USP32: variants seen among roughly 807,000 people sequenced by gnomAD.
USP32 encodes the protein ubiquitin specific peptidase 32, also known as ubiquitin carboxyl-terminal hydrolase 32.
USP32 carries 59 observed loss-of-function variants against 204.8 expected under a neutral mutation model. The ratio of observed to expected loss-of-function variants is 0.29; its 90% CI spans 0.23 to 0.36. The LOEUF is 0.36. Ranked by LOEUF, USP32 falls within the 10% of genes least tolerant of loss-of-function variation. The pLI, the probability that USP32 is intolerant of heterozygous loss-of-function variation, is 1.00. For missense variants in USP32, 1,160 were observed against 1,946.4 expected, an observed-to-expected ratio of 0.60 and a Z score of 7.60; for synonymous variants, 517 against 678.4, an observed-to-expected ratio of 0.76 and a Z score of 3.70.
intron 11 of USP32, among the ~76,000 whole-genome samples, chr17:60,242,467 G>C (rs1425421354): frequency 6.6e-6 from 1 of 152,060 alleles, no homozygotes; most frequent in African/African-American, 2.4e-5. Context: ...CTGGGGTGTA[G>C]TGGCATGGTC....
intron 1 of USP32, among the ~76,000 whole-genome samples, chr17:60,408,718 A>C (rs1234072078): frequency 6.6e-6 from 1 of 152,068 alleles, no homozygotes; most frequent in African/African-American, 2.4e-5. Context: ...GTGAGTTTTC[A>C]GTTGCTATGG....
intron 2 of USP32, among the ~76,000 whole-genome samples, chr17:60,315,406 C>CA: frequency 6.6e-6 from 1 of 151,694 alleles, no homozygotes; most frequent in Admixed American, 6.6e-5. Flanking sequence ...GACTCCATCT[C>CA]AAAAAATAAA....
In USP32 at chr17:60,301,827, A is replaced by T. The variant is rs529309461; in HGVS notation, c.187-123T>A. 4.5e-6 allele frequency: 3 copies of T among 668,076 alleles called. No homozygotes were observed. In the South Asian group the frequency reaches 5.3e-5, roughly 12 times the overall value. The allele number at this position is 668,076 out of a possible 1,614,324, so 41.4% of individuals were successfully genotyped here. ...AACAGGCCCTGGTAAATTTTAGTGA[A>T]ATCATGTTAAGTTTCTCCCTCTTCT... On this transcript the variant is annotated intron_variant, in intron 2 of 33. Coordinates refer to ENST00000300896, the MANE Select transcript of USP32 (RefSeq NM_032582.4).
intron 5 of USP32, among the ~76,000 whole-genome samples, chr17:60,280,756 A>C (rs1053479336): frequency 2.0e-5 from 3 of 152,212 alleles, no homozygotes; most frequent in African/African-American, 7.2e-5. Flanking sequence ...TTATTAGAAC[A>C]GTTCAATGTA....
At chr17:60,390,621 T>G (rs1286908712) in intron 1 of USP32, among the ~76,000 whole-genome samples, 1 of 152,220 alleles carries the variant, frequency 6.6e-6, no homozygotes, top group Non-Finnish European at 1.5e-5. Context: ...TTCTGTATCT[T>G]ACTGTCAGGT....
At position 60,212,095 on chromosome 17, in the gene USP32, C is replaced by T. The variant is rs2084983568; in HGVS notation, c.2108G>A (p.Arg703His). 1 of 1,605,010 alleles carries T rather than the reference C, an allele frequency of 6.2e-7. No individual in the cohort carries two copies. Among genetic ancestry groups the T allele is most frequent in the Non-Finnish European group, 8.5e-7 (1 of 1,174,978 alleles). The stretch of plus-strand genomic sequence containing the variant: ...CTCAGGCCAACTCATATCTTTGTTG[C>T]GAACTGGAAGGACAGATAGGAATGT... ...QDEQHLVIEV[R>H]NKDMSWPEEM... Residue 703 changes from arginine to histidine, a missense_variant, in exon 19 of 34, where the codon CGC (arginine) becomes CAC (histidine). Coordinates refer to ENST00000300896, the MANE Select transcript of USP32 (RefSeq NM_032582.4).
At chr17:60,232,052 C>T (rs78799708) in intron 12 of USP32, among the ~76,000 whole-genome samples, 8,239 of 151,746 alleles carry the variant, frequency 0.054, 267 homozygotes, top group East Asian at 0.087. Flanking sequence ...TAGTAATATT[C>T]GTAAGTAAAT....
intron 2 of USP32, among the ~76,000 whole-genome samples, chr17:60,338,410 T>C (rs2088576966): frequency 6.6e-6 from 1 of 151,848 alleles, no homozygotes; most frequent in African/African-American, 2.4e-5. Context: ...GGTGGCACCC[T>C]AAAGAAAATA....
At chr17:60,261,076 A>G (rs960319953) in intron 9 of USP32, among the ~76,000 whole-genome samples, 8 of 152,218 alleles carry the variant, frequency 5.3e-5, no homozygotes, top group Non-Finnish European at 1.0e-4. Context: ...ATTCCAGGAC[A>G]GAAAAATGAA....
chr17:60,186,762 T>C (rs1191196242), intron 29 of USP32, among the ~76,000 whole-genome samples: 1 of 152,018 alleles, frequency 6.6e-6, no homozygotes, highest in African/African-American at 2.4e-5. Flanking sequence ...TGGTGTAGAA[T>C]GAAGAAGACG....
At position 60,375,203 on chromosome 17, in the gene USP32, T is replaced by G. The variant is rs564582385; in HGVS notation, c.58+16679A>C. On this transcript the variant is annotated intron_variant, in intron 1 of 33. Coordinates refer to ENST00000300896, the MANE Select transcript of USP32 (RefSeq NM_032582.4). ...CCTCCTTCTCTGTGGATACCACGCT[T>G]CTTCTTACCCTATATATCTATAACC... Among the ~76,000 whole-genome samples, 204 of 152,332 alleles carry G rather than the reference T, an allele frequency of 1.3e-3. 1 individual carries two copies. The highest frequency in any genetic ancestry group is 4.5e-3 in the African/African-American group (188 of 41,580).
chr17:60,289,975 A>G (rs1025850349), intron 4 of USP32, among the ~76,000 whole-genome samples: 2 of 152,116 alleles, frequency 1.3e-5, no homozygotes, highest in African/African-American at 2.4e-5. Context: ...CGTGACTGCA[A>G]TCCAAGCAAT....
At chr17:60,394,177 C>T (rs143089485), upstream of USP32, among the ~76,000 whole-genome samples, 4 of 152,198 alleles carry the variant, frequency 2.6e-5, no homozygotes, top group Admixed American at 1.3e-4. Flanking sequence ...GTCATTAGTT[C>T]GGTATAGAGA....
intron 11 of USP32, among the ~76,000 whole-genome samples, chr17:60,244,874 C>T (rs915695596): frequency 6.6e-6 from 1 of 152,214 alleles, no homozygotes; most frequent in African/African-American, 2.4e-5. Context: ...TCAAGAGATC[C>T]GCCTGCCTTG....
intron 12 of USP32, among the ~76,000 whole-genome samples, chr17:60,231,862 G>A (rs1383443669): frequency 1.3e-5 from 2 of 152,106 alleles, no homozygotes. Flanking sequence ...ACACATTAAA[G>A]CGGGGAAAGA....
intron 1 of USP32, among the ~76,000 whole-genome samples, chr17:60,349,822 T>C (rs1286501751): frequency 6.7e-6 from 1 of 150,132 alleles, no homozygotes; most frequent in Non-Finnish European, 1.5e-5. Context: ...TAAATTATTG[T>C]ATACATTTAG....
At chr17:60,344,373 C>G (rs2088734137) in intron 2 of USP32, among the ~76,000 whole-genome samples, 1 of 152,060 alleles carries the variant, frequency 6.6e-6, no homozygotes, top group African/African-American at 2.4e-5. Flanking sequence ...CGTGATTCAC[C>G]CGCCTCGGCC....
At chr17:60,328,768 C>G (rs1279675422) in intron 2 of USP32, among the ~76,000 whole-genome samples, 1 of 152,194 alleles carries the variant, frequency 6.6e-6, no homozygotes, top group Non-Finnish European at 1.5e-5. Context: ...ATCACACTCC[C>G]CGGGAGCAGC....
intron 17 of USP32, among the ~76,000 whole-genome samples, chr17:60,213,959 T>TA (rs1323032005): frequency 1.3e-5 from 2 of 151,634 alleles, no homozygotes; most frequent in Non-Finnish European, 2.9e-5. Context: ...TTTTTTTTTT[T>TA]AAAGATGGAG....
Sources: gnomAD v4.1 joint callset for allele counts (sites outside exome capture counted in the v4.1 genomes callset) on GRCh38, gnomAD v4.1.1 for gene constraint, MANE v1.5 for transcripts, NCBI Gene and HGNC (gene_info 2026-07-23, HGNC 2026-07-21) for gene names.